The following CATSPER1 variants were observed in gnomAD, a reference collection of about 807,000 sequenced individuals.
The protein encoded by CATSPER1 is cation channel sperm associated 1.
CATSPER1 carries 57 observed loss-of-function variants against 72.7 expected under a neutral mutation model. That is an observed-to-expected ratio of 0.78 (90% CI 0.63 to 0.98). The LOEUF is 0.98. Ranked by LOEUF, CATSPER1 falls within the 50% of genes least tolerant of loss-of-function variation. The pLI, the probability that CATSPER1 is intolerant of heterozygous loss-of-function variation, is 0.00. For synonymous variants in CATSPER1, 363 were observed against 403.0 expected (o/e 0.90, Z 1.19); for missense variants, 910 against 1,033.9 (o/e 0.88, Z 1.64).
rs375411792 is a variant in CATSPER1, at chr11:66,025,798, G to A, written c.582C>T (p.Ser194=). The A allele has an allele frequency of 3.4e-5, 55 of 1,613,374 alleles. No individual in the cohort carries two copies. Among genetic ancestry groups the A allele is most frequent in the Admixed American group, 8.3e-5 (5 of 59,978 alleles). ...GGAGCCCGCTAAGGTGGGAAGCCTCGCTGTGGTGGAAGGACTCACTGTAGG... is the reference window on the plus strand; with the variant it reads ...GGAGCCCGCTAAGGTGGGAAGCCTCACTGTGGTGGAAGGACTCACTGTAGG... ...PNPYSESFHH[S]EASHLSGLQH... is the part of the protein sequence containing the mutation. Residue 194 remains serine (S), a synonymous_variant, in exon 1 of 12, where the codon AGC becomes AGT. Transcript: ENST00000312106.
In CATSPER1 at chr11:66,026,233, G is replaced by A. The variant is rs150830285; in HGVS notation, c.147C>T (p.Gly49=). The change falls in exon 1 of 12, where the codon GGC becomes GGT. Residue 49 remains glycine, a synonymous_variant. Transcript: ENST00000312106. The part of the protein sequence containing the change: ...ALHHYELHHH[G]VPHQRGESHH... ...GAGATTCACCACGTTGGTGGGGCAC[G>A]CCGTGATGGTGCAACTCGTAATGGT... is the stretch of plus-strand genomic sequence containing the variant. The A allele has an allele frequency of 6.8e-5, 109 of 1,613,374 alleles. No individual in the cohort carries two copies. In the African/African-American group the frequency reaches 9.1e-4, roughly 13 times the overall value.
intron 1 of CATSPER1, 123 bp downstream of exon 1, chr11:66,025,041 T>G: frequency 8.7e-7 from 1 of 1,151,340 alleles, no homozygotes; most frequent in Non-Finnish European, 1.3e-6. Context: ...GAATAGCCAG[T>G]GGGGGACCTG....
rs745606471 is a variant in CATSPER1 at position 66,026,007 on chromosome 11, T to C, written c.373A>G (p.Arg125Gly). Residue 125 changes from arginine (R) to glycine (G), a missense_variant, in exon 1 of 12, where the codon AGG becomes GGG. Arg to Gly is a moderately radical substitution (Grantham distance 125). Coordinates refer to ENST00000312106, the MANE Select transcript of CATSPER1 (RefSeq NM_053054.4). ...CCGTATTGGGACCCATCATGATGCC[T>C]CCTGCCATCACGTTGGAGCTCATCA... ...YHDELQRDGR[R>G]HHDGSQYGGF... 6.2e-7 allele frequency: 1 copy of C among 1,613,936 alleles called. No individual in the cohort carries two copies. The highest frequency in any genetic ancestry group is 8.5e-7 in the Non-Finnish European group (1 of 1,179,946).
chr11:66,016,892 A>C lies in CATSPER1; in HGVS notation c.2341T>G (p.Ter781GlyextTer44). Residue 781 changes from the stop codon to glycine, a stop_lost, in exon 12 of 12, where the codon TGA becomes GGA. Coordinates refer to ENST00000312106, the MANE Select transcript of CATSPER1 (RefSeq NM_053054.4). ...FEAGEEDFRN[*>G] ...CTGTATCTGGTGTCCTCCTGGGGTC[A>C]ATTCCTGAAGTCCTCTTCTCCAGCC... 6.2e-7 allele frequency: 1 copy of C among 1,613,928 alleles called. No individual in the cohort carries two copies. The highest frequency in any genetic ancestry group is 2.2e-5 in the East Asian group (1 of 44,862).
At chr11:66,022,380 A>G (rs1053915845) in intron 2 of CATSPER1, among the ~76,000 whole-genome samples, 10 of 152,236 alleles carry the variant, frequency 6.6e-5, no homozygotes, top group African/African-American at 2.4e-4. Flanking sequence ...CACTTGATAG[A>G]GTTGTGAGCG....
In CATSPER1 at chr11:66,016,891, C is replaced by A; in HGVS notation, c.2342G>T (p.Ter781LeuextTer44). ...FEAGEEDFRN[*>L] ...TCTGTATCTGGTGTCCTCCTGGGGT[C>A]AATTCCTGAAGTCCTCTTCTCCAGC... Residue 781 changes from the stop codon to leucine (L), a stop_lost, in exon 12 of 12, where the codon TGA (stop) becomes TTA (leucine). Coordinates refer to ENST00000312106, the MANE Select transcript of CATSPER1 (RefSeq NM_053054.4). 6.2e-7 allele frequency: 1 copy of A among 1,613,902 alleles called. No homozygotes were observed. Among genetic ancestry groups the A allele is most frequent in the South Asian group, 1.1e-5 (1 of 91,030 alleles).
In CATSPER1 at chr11:66,020,798, G is replaced by A; in HGVS notation, c.1927+13C>T. On this transcript the variant is annotated intron_variant, in intron 6 of 11. Coordinates refer to ENST00000312106, the MANE Select transcript of CATSPER1 (RefSeq NM_053054.4). This position sits in a 1 kb window ranked among gnomAD's most constrained non-coding sequence, Gnocchi z 4.5. Reference sequence around the variant, plus strand: ...AATCCCCGGCCCTCCCTGCAGCCTGGGGCCTGCCCTACCCTGGGCACGGCT... The same window carrying A: ...AATCCCCGGCCCTCCCTGCAGCCTGAGGCCTGCCCTACCCTGGGCACGGCT... 6.2e-7 allele frequency: 1 copy of A among 1,613,652 alleles called. No homozygotes were observed. Among genetic ancestry groups the A allele is most frequent in the Non-Finnish European group, 8.5e-7 (1 of 1,179,974 alleles).
chr11:66,020,299 TC>T lies in CATSPER1; in HGVS notation c.2064+17del. ...CCAGCTTCCTGATCTGGTCCACCTG[TC>T]CCACCCCACTCGGTACCTCCTGCTT... is the stretch of plus-strand genomic sequence containing the variant. On this transcript the variant is annotated intron_variant, in intron 8 of 11. Coordinates refer to ENST00000312106, the MANE Select transcript of CATSPER1 (RefSeq NM_053054.4). The surrounding 1 kb of genome is among the most constrained non-coding windows in gnomAD (Gnocchi z 4.5). 2 of 1,614,128 alleles carry T rather than the reference TC, an allele frequency of 1.2e-6. No individual in the cohort carries two copies. The highest frequency in any genetic ancestry group is 1.7e-6 in the Non-Finnish European group (2 of 1,179,996).
At chr11:66,018,587 T>C (rs1171954091) in intron 10 of CATSPER1, among the ~76,000 whole-genome samples, 2 of 152,184 alleles carry the variant, frequency 1.3e-5, no homozygotes, top group Non-Finnish European at 2.9e-5. Flanking sequence ...TTGGGGATGG[T>C]TCTGGGGTGA....
chr11:66,020,824 G>C lies in CATSPER1; in HGVS notation c.1914C>G (p.Asp638Glu). 1 of 1,613,862 alleles carries C rather than the reference G, an allele frequency of 6.2e-7. No individual in the cohort carries two copies. Among genetic ancestry groups the C allele is most frequent in the Non-Finnish European group, 8.5e-7 (1 of 1,180,024 alleles). ...TLDDWSLIYM[D>E]SRAQGAWYII... The stretch of plus-strand genomic sequence containing the variant: ...GGCCTGCCCTACCCTGGGCACGGCT[G>C]TCCATGTAGATGAGGGACCAGTCAT... The change falls in exon 6 of 12, where the codon GAC (aspartate) becomes GAG (glutamate). Residue 638 changes from aspartate (D) to glutamate (E), a missense_variant. Asp to Glu is a conservative substitution (Grantham distance 45, BLOSUM62 2). Coordinates refer to ENST00000312106, the MANE Select transcript of CATSPER1 (RefSeq NM_053054.4). This position sits in a 1 kb window ranked among gnomAD's most constrained non-coding sequence, Gnocchi z 4.5.
In CATSPER1 at chr11:66,025,321, T is replaced by C. The variant is rs761991489; in HGVS notation, c.1059A>G (p.Val353=). The C allele has an allele frequency of 3.7e-6, 6 of 1,614,112 alleles. No homozygotes were observed. In the East Asian group the frequency reaches 1.1e-4, roughly 30 times the overall value. ...ASRTGVFPYH[V]AHPRGSAHSM... ...TGTGAGCCGAGCCCCGTGGGTGTGC[T>C]ACGTGATAGGGGAAGACTCCTGTAC... Residue 353 remains valine, a synonymous_variant, in exon 1 of 12, where the codon GTA becomes GTG. Transcript: ENST00000312106.
Position 66,020,880 on chromosome 11 carries a change from T to C in CATSPER1, c.1858A>G (p.Ile620Val). ...PKRFQNIFTTIFTLFTLLTLD... is the reference protein window; with the variant it reads ...PKRFQNIFTTVFTLFTLLTLD... ...GTGAGCAAGGTGAAGAGGGTGAAGA[T>C]GGTGGTGAAGATGTTCTGGAAGCGC... The change falls in exon 6 of 12, where the codon ATC becomes GTC. Residue 620 changes from isoleucine (I) to valine (V), a missense_variant. Transcript: ENST00000312106. This position sits in a 1 kb window ranked among gnomAD's most constrained non-coding sequence, Gnocchi z 4.5. The C allele has an allele frequency of 1.2e-6, 2 of 1,613,894 alleles. No individual in the cohort carries two copies. Among genetic ancestry groups the C allele is most frequent in the Non-Finnish European group, 1.7e-6 (2 of 1,179,998 alleles).
At position 66,025,619 on chromosome 11, in the gene CATSPER1, C is replaced by A. The variant is rs199940038; in HGVS notation, c.761G>T (p.Gly254Val). The change falls in exon 1 of 12, where the codon GGG (glycine) becomes GTG (valine). Residue 254 changes from glycine (G) to valine (V), a missense_variant. Transcript: ENST00000312106. ...GETISPHSSVGSYQRGISDYH... is the reference protein window; with the variant it reads ...GETISPHSSVVSYQRGISDYH... ...GTCAGATATCCCACGCTGGTAGGAC[C>A]CCACAGAGGAATGAGGGGAAATGGT... 5 of 1,612,406 alleles carry A rather than the reference C, an allele frequency of 3.1e-6. No homozygotes were observed. The highest frequency in any genetic ancestry group is 4.5e-5 in the East Asian group (2 of 44,814).
rs776834828 is a variant in CATSPER1, at chr11:66,025,560, G to A, written c.820C>T (p.Pro274Ser). The change falls in exon 1 of 12, where the codon CCC (proline) becomes TCC (serine). Residue 274 changes from proline to serine, a missense_variant. Pro to Ser is a moderately conservative substitution (Grantham distance 74). Coordinates refer to ENST00000312106, the MANE Select transcript of CATSPER1 (RefSeq NM_053054.4). ...HSEYHQGDHH[P>S]SEYHHGDHPH... ...TGGTCGCCATGGTGGTACTCACTGG[G>A]GTGGTGATCACCTTGGTGGTACTCG... is the stretch of plus-strand genomic sequence containing the variant. The A allele has an allele frequency of 6.2e-7, 1 of 1,603,550 alleles. No homozygotes were observed. Among genetic ancestry groups the A allele is most frequent in the Admixed American group, 1.7e-5 (1 of 57,660 alleles).
At chr11:66,024,623 G>A (rs1020313636) in intron 1 of CATSPER1, among the ~76,000 whole-genome samples, 3 of 152,132 alleles carry the variant, frequency 2.0e-5, no homozygotes, top group Non-Finnish European at 4.4e-5. Flanking sequence ...GTTTGGTGGC[G>A]TATGAGCTAA....
In CATSPER1 at chr11:66,020,828, A is replaced by G. The variant is rs1402469999; in HGVS notation, c.1910T>C (p.Met637Thr). ...TGCCCTACCCTGGGCACGGCTGTCC[A>G]TGTAGATGAGGGACCAGTCATCCAG... The part of the protein sequence containing the change: ...LTLDDWSLIY[M>T]DSRAQGAWYI... Residue 637 changes from methionine to threonine, a missense_variant, in exon 6 of 12, where the codon ATG becomes ACG. Transcript: ENST00000312106. This position sits in a 1 kb window ranked among gnomAD's most constrained non-coding sequence, Gnocchi z 4.5. 1.2e-6 allele frequency: 2 copies of G among 1,613,790 alleles called. No individual in the cohort carries two copies. Among genetic ancestry groups the G allele is most frequent in the Non-Finnish European group, 1.7e-6 (2 of 1,180,008 alleles).
chr11:66,017,083 C>A lies in CATSPER1; in HGVS notation c.2293G>T (p.Glu765Ter), dbSNP rs761500535. Residue 765 changes from glutamate to a stop codon, truncating the protein, a stop_gained, in exon 11 of 12, where the codon GAG becomes TAG. Transcript: ENST00000312106. LOFTEE classifies it high-confidence loss of function. ...ACCTCAAATGTGGTGTCCACAATCT[C>A]ATCGATGACGGCTGCCTGGGAGCGG... ...KFRSQAAVID[E>*]IVDTTFEAGE... 6.2e-7 allele frequency: 1 copy of A among 1,613,894 alleles called. No individual in the cohort carries two copies. The highest frequency in any genetic ancestry group is 8.5e-7 in the Non-Finnish European group (1 of 1,179,962).
At chr11:66,022,755 G>T in intron 2 of CATSPER1, 94 bp downstream of exon 2, 1 of 1,213,826 alleles carries the variant, frequency 8.2e-7, no homozygotes, top group Non-Finnish European at 1.2e-6. Flanking sequence ...AGTGAGCTGA[G>T]TCCTATAAAC....
chr11:66,025,086 A>G, intron 1 of CATSPER1, 78 bp downstream of exon 1: 2 of 1,580,424 alleles, frequency 1.3e-6, no homozygotes, highest in Non-Finnish European at 1.7e-6. Flanking sequence ...CTGCGGAAGG[A>G]CAGTGCGGGG....
Sources: gnomAD v4.1 joint callset for allele counts (sites outside exome capture counted in the v4.1 genomes callset) on GRCh38, gnomAD v4.1.1 for gene constraint, Gnocchi (gnomAD v3.1) non-coding constraint, MANE v1.5 for transcripts, NCBI Gene and HGNC (gene_info 2026-07-23, HGNC 2026-07-21) for gene names.